Variants in PDE1C observed in about 807,000 individuals in gnomAD.
PDE1C encodes phosphodiesterase 1C.
PDE1C carries 62 observed loss-of-function variants against 93.1 expected under a neutral mutation model. The ratio of observed to expected loss-of-function variants is 0.67; its 90% CI spans 0.54 to 0.82. PDE1C has a LOEUF of 0.82. PDE1C is among the 40% of genes least tolerant of loss of function. The pLI is 0.00. For synonymous variants in PDE1C, 325 were observed against 310.1 expected (o/e 1.05, Z -0.50); for missense variants, 742 against 884.6 (o/e 0.84, Z 2.04).
the PDE1C span, chr7:31,651,871 G>T: frequency 9.3e-7 from 1 of 1,077,046 alleles, no homozygotes; most frequent in East Asian, 2.6e-5. Flanking sequence ...TATATTATGA[G>T]GTGACAATGG....
chr7:32,313,471 C>G (rs1331818122), intron 1 of PDE1C, among the ~76,000 whole-genome samples: 1 of 151,920 alleles, frequency 6.6e-6, no homozygotes, highest in Non-Finnish European at 1.5e-5. Flanking sequence ...TATTGCAGCA[C>G]TATTCACAAT....
intron 2 of PDE1C, among the ~76,000 whole-genome samples, chr7:32,188,759 G>A (rs1804042479): frequency 6.6e-6 from 1 of 152,036 alleles, no homozygotes; most frequent in Admixed American, 6.6e-5. Flanking sequence ...TTTATTTGAA[G>A]TTTCATTTTA....
At chr7:32,397,315 A>C (rs1330795188) in intron 1 of PDE1C, among the ~76,000 whole-genome samples, 1 of 152,194 alleles carries the variant, frequency 6.6e-6, no homozygotes, top group Non-Finnish European at 1.5e-5. Context: ...AGAAAACTTA[A>C]ACAAAAATAT....
chr7:31,620,474 A>G, the PDE1C span, among the ~76,000 whole-genome samples: 1 of 151,404 alleles, frequency 6.6e-6, no homozygotes, highest in African/African-American at 2.4e-5. Flanking sequence ...TTCTGCAGAC[A>G]CCACTGCTGA....
intron 1 of PDE1C, among the ~76,000 whole-genome samples, chr7:32,211,156 T>C (rs1026572455): frequency 1.3e-5 from 2 of 151,848 alleles, no homozygotes; most frequent in African/African-American, 4.8e-5. Context: ...TTGCAGTGAG[T>C]CGAGATTGTG....
chr7:32,170,043 G>C (rs1198857713), intron 2 of PDE1C: 3 of 1,146,400 alleles, frequency 2.6e-6, no homozygotes, highest in Non-Finnish European at 3.8e-6. Context: ...ATCTTCCAAA[G>C]CAGAGCAGGG....
intron 2 of PDE1C, among the ~76,000 whole-genome samples, chr7:32,179,293 T>A (rs1394040145): frequency 2.2e-5 from 3 of 139,376 alleles, no homozygotes; most frequent in Non-Finnish European, 4.6e-5. Context: ...GGAGTCTCAC[T>A]CTGTCACCCA....
intron 1 of PDE1C, among the ~76,000 whole-genome samples, chr7:32,060,855 A>G (rs902479822): frequency 2.6e-5 from 4 of 152,198 alleles, no homozygotes; most frequent in African/African-American, 9.6e-5. Context: ...TATTTATGAA[A>G]GTGTTTAAAT....
At chr7:31,633,259 C>T in the PDE1C span, among the ~76,000 whole-genome samples, 1 of 152,162 alleles carries the variant, frequency 6.6e-6, no homozygotes, top group Non-Finnish European at 1.5e-5. Flanking sequence ...AGGAGTTCGA[C>T]ACATTCTGCA....
chr7:32,074,267 T>C (rs143059651), upstream of PDE1C, among the ~76,000 whole-genome samples: 296 of 152,276 alleles, frequency 1.9e-3, 1 homozygote, highest in African/African-American at 6.5e-3. Flanking sequence ...ATGACCCCCC[T>C]GGTCTCTTTC....
intron 3 of PDE1C, among the ~76,000 whole-genome samples, chr7:32,141,525 T>C (rs1432698220): frequency 6.6e-6 from 1 of 152,140 alleles, no homozygotes; most frequent in Non-Finnish European, 1.5e-5. Flanking sequence ...CCTCCTAAGA[T>C]CATAAAACCC....
chr7:31,962,926 GAC>G (rs1359047503), intron 2 of PDE1C, among the ~76,000 whole-genome samples: 1 of 152,168 alleles, frequency 6.6e-6, no homozygotes, highest in East Asian at 1.9e-4. Context: ...CTTCTGAAAA[GAC>G]ACGTCTACCT....
intron 17 of PDE1C, among the ~76,000 whole-genome samples, chr7:31,755,453 A>C (rs1288850913): frequency 3.3e-5 from 5 of 152,120 alleles, no homozygotes; most frequent in Non-Finnish European, 5.9e-5. Context: ...GGTTTCTAAA[A>C]CCATTTGCTA....
the PDE1C span, among the ~76,000 whole-genome samples, chr7:31,706,671 A>G: frequency 1.3e-5 from 2 of 152,332 alleles, no homozygotes; most frequent in African/African-American, 2.4e-5. Context: ...GAGGCTTACC[A>G]GTTCTTTTCC....
chr7:32,134,663 A>C (rs146793098), intron 3 of PDE1C, among the ~76,000 whole-genome samples: 17,124 of 152,228 alleles, frequency 0.11, 1,125 homozygotes, highest in Middle Eastern at 0.17. Flanking sequence ...CAGGAACAGA[A>C]AACCAAACAC....
chr7:32,185,324 AT>A (rs1562559039), intron 2 of PDE1C, among the ~76,000 whole-genome samples: 1 of 151,280 alleles, frequency 6.6e-6, no homozygotes, highest in Non-Finnish European at 1.5e-5. Flanking sequence ...TGGTCACGTT[AT>A]ATTGTTACTA....
chr7:31,904,114 A>T lies in PDE1C; in HGVS notation c.129-23254T>A, dbSNP rs563951136. 2.0e-5 allele frequency among the ~76,000 whole-genome samples: 3 copies of T among 152,258 alleles called. No individual in the cohort carries two copies. The East Asian group carries it at 5.8e-4, about 29-fold the overall frequency. On this transcript the variant is annotated intron_variant, in intron 2 of 17. Transcript: ENST00000396191. ...AGATTTTGAAGATTTTCTTGGTTTC[A>T]TGACTAATCATCCTTATCCACAAGA...
At chr7:31,820,267 T>A (rs1788799270) in intron 14 of PDE1C, among the ~76,000 whole-genome samples, 1 of 152,028 alleles carries the variant, frequency 6.6e-6, no homozygotes, top group African/African-American at 2.4e-5. Context: ...TAGTTATATA[T>A]GTCTAGAGAG....
At chr7:31,620,366 G>A in the PDE1C span, among the ~76,000 whole-genome samples, 1 of 152,010 alleles carries the variant, frequency 6.6e-6, no homozygotes, top group East Asian at 1.9e-4. Context: ...CCCCCAGTAG[G>A]GGCAGATTGA....
Sources: gnomAD v4.1 joint callset for allele counts (sites outside exome capture counted in the v4.1 genomes callset) on GRCh38, gnomAD v4.1.1 for gene constraint, MANE v1.5 for transcripts, NCBI Gene and HGNC (gene_info 2026-07-23, HGNC 2026-07-21) for gene names.